NCKAP1: variants seen among roughly 807,000 people sequenced by gnomAD.
NCKAP1 encodes nck-associated protein 1.
A neutral mutation model predicts 151.2 loss-of-function variants in NCKAP1; 21 were observed. The observed-to-expected ratio is 0.14, with a 90% CI of 0.10 to 0.20. The LOEUF (loss-of-function observed/expected upper bound fraction) is 0.20. Ranked by LOEUF, NCKAP1 falls within the 10% of genes least tolerant of loss-of-function variation. The pLI, the probability that NCKAP1 is intolerant of heterozygous loss-of-function variation, is 1.00. For missense variants in NCKAP1, 933 were observed against 1,352.1 expected (o/e 0.69, Z 4.86); for synonymous variants, 484 against 451.8 (o/e 1.07, Z -0.90).
At chr2:182,944,968 C>T (rs991989864) in intron 23 of NCKAP1, among the ~76,000 whole-genome samples, 4 of 152,098 alleles carry the variant, frequency 2.6e-5, no homozygotes, top group Admixed American at 2.6e-4. Context: ...GGCGTGGTGG[C>T]TCACACCTGT....
chr2:182,971,909 C>A, intron 15 of NCKAP1, among the ~76,000 whole-genome samples: 1 of 151,944 alleles, frequency 6.6e-6, no homozygotes, highest in East Asian at 1.9e-4. Context: ...CAAAAAAAAT[C>A]AAATCAAAAT....
chr2:182,971,221 C>CG (rs1472875931), intron 15 of NCKAP1, among the ~76,000 whole-genome samples: 2 of 150,736 alleles, frequency 1.3e-5, no homozygotes. Flanking sequence ...GGTGAAACCC[C>CG]GTCTCTACTA....
In NCKAP1 at chr2:182,910,923, C is replaced by T. The variant is rs1696376275; in HGVS notation, c.*14779G>A. 1 of 143,420 alleles carries T rather than the reference C, an allele frequency of 7.0e-6. No individual in the cohort carries two copies. Among genetic ancestry groups the T allele is most frequent in the South Asian group, 2.3e-4 (1 of 4,402 alleles). 8.9% of individuals were successfully genotyped at this position (143,420 alleles called of 1,614,324 possible). On this transcript the variant is annotated 3_prime_UTR_variant, in exon 31 of 31. Coordinates refer to ENST00000361354, the MANE Select transcript of NCKAP1 (RefSeq NM_013436.5). ...ATGCTCTGATGGTCCAACATTATAACTTGGAAATAAAAATAAAATCCTAAG... is the reference window on the plus strand; with the variant it reads ...ATGCTCTGATGGTCCAACATTATAATTTGGAAATAAAAATAAAATCCTAAG...
chr2:182,956,808 G>T (rs768237560), intron 19 of NCKAP1: 2 of 453,396 alleles, frequency 4.4e-6, no homozygotes, highest in Non-Finnish European at 7.6e-6. Context: ...CCTTTAGGTA[G>T]TAATGAATAT....
intron 1 of NCKAP1, among the ~76,000 whole-genome samples, chr2:183,030,923 G>T (rs1575074964): frequency 6.6e-6 from 1 of 152,130 alleles, no homozygotes; most frequent in Non-Finnish European, 1.5e-5. Context: ...GTGTTATGAT[G>T]TATATTTTGG....
chr2:182,960,383 G>C (rs1217397133), intron 18 of NCKAP1, among the ~76,000 whole-genome samples: 4 of 152,246 alleles, frequency 2.6e-5, no homozygotes, highest in African/African-American at 9.6e-5. Flanking sequence ...CCAAAACAGA[G>C]ATATAGACCA....
In NCKAP1 at chr2:182,916,074, C is replaced by G. The variant is rs1559065001; in HGVS notation, c.*9628G>C. The G allele has an allele frequency of 1.3e-5, 2 of 151,388 alleles. No homozygotes were observed. The allele number at this position is 151,388 out of a possible 1,614,324, so 9.4% of individuals were successfully genotyped here. On this transcript the variant is annotated 3_prime_UTR_variant, in exon 31 of 31. Transcript: ENST00000361354. ...GGCAGTTTCCTCTCCCTCCCCGTCT[C>G]CCTGCTCCTGCTCCTCCCTCTCCCC...
At chr2:182,976,997 T>G in intron 14 of NCKAP1, 46 bp from the exon 15 acceptor site, 1 of 1,299,036 alleles carries the variant, frequency 7.7e-7, no homozygotes, top group Non-Finnish European at 1.1e-6. Context: ...AAATTAATGT[T>G]TTCACAATCT....
chr2:182,964,877 G>T, intron 16 of NCKAP1, 69 bp from the exon 17 acceptor site: 1 of 1,215,164 alleles, frequency 8.2e-7, no homozygotes, highest in Non-Finnish European at 1.1e-6. Context: ...GTACCTTACA[G>T]TTAATTTGAT....
At chr2:183,036,602 A>G (rs572915015) in intron 1 of NCKAP1, among the ~76,000 whole-genome samples, 22 of 152,308 alleles carry the variant, frequency 1.4e-4, no homozygotes, top group African/African-American at 5.1e-4. Context: ...CTCCTGCCAC[A>G]TAAAAGGTAA....
rs770504034 is a variant in NCKAP1 at position 182,967,315 on chromosome 2, C to G, written c.1529G>C (p.Arg510Thr). 24 of 1,611,690 alleles carry G rather than the reference C, an allele frequency of 1.5e-5. No individual in the cohort carries two copies. The highest frequency in any genetic ancestry group is 2.0e-5 in the Non-Finnish European group (24 of 1,178,880). ...TGTATTCATCATCTTTCCAAGTTCT[C>G]TGTGATCTGCAAGGCCAAGTGAAGC... is the stretch of plus-strand genomic sequence containing the variant. The part of the protein sequence containing the change: ...SKASLGLADH[R>T]ELGKMMNTII... The change falls in exon 16 of 31, where the codon AGA (arginine) becomes ACA (threonine). Residue 510 changes from arginine (R) to threonine (T), a missense_variant. Arg to Thr is a moderately conservative substitution (Grantham distance 71, BLOSUM62 -1). Around this residue, in one of 2 missense-constraint regions of NCKAP1, gnomAD observed 607 missense variants for 795.0 expected, o/e 0.76. Coordinates refer to ENST00000361354, the MANE Select transcript of NCKAP1 (RefSeq NM_013436.5).
chr2:182,983,668 T>G (rs1697986660), intron 10 of NCKAP1, among the ~76,000 whole-genome samples: 1 of 152,200 alleles, frequency 6.6e-6, no homozygotes, highest in Non-Finnish European at 1.5e-5. Context: ...TCCCAACATC[T>G]AGCTATTTAT....
intron 18 of NCKAP1, among the ~76,000 whole-genome samples, chr2:182,959,135 T>C (rs1697386955): frequency 6.6e-6 from 1 of 152,192 alleles, no homozygotes; most frequent in African/African-American, 2.4e-5. Flanking sequence ...TCATTATACC[T>C]AGATAGTAAC....
chr2:182,997,217 G>C (rs1559099289), intron 6 of NCKAP1, among the ~76,000 whole-genome samples: 1 of 152,206 alleles, frequency 6.6e-6, no homozygotes, highest in East Asian at 1.9e-4. Context: ...TTGTTTCACT[G>C]ATCCTTTGTA....
At chr2:182,999,926 C>T (rs965341640) in intron 6 of NCKAP1, among the ~76,000 whole-genome samples, 2 of 152,116 alleles carry the variant, frequency 1.3e-5, no homozygotes, top group Admixed American at 1.3e-4. Context: ...ACTGATTGTA[C>T]TCACTTATAA....
intron 15 of NCKAP1, among the ~76,000 whole-genome samples, chr2:182,973,223 T>C (rs1697735165): frequency 6.6e-6 from 1 of 151,992 alleles, no homozygotes; most frequent in South Asian, 2.1e-4. Context: ...TTAAATAACA[T>C]TGTGAAAACA....
chr2:182,962,037 G>T, intron 18 of NCKAP1, 122 bp downstream of exon 18: 2 of 1,006,434 alleles, frequency 2.0e-6, no homozygotes, highest in Non-Finnish European at 2.9e-6. Context: ...CACAGCAGAG[G>T]TTTGAGGTTT....
At chr2:182,953,372 T>C in intron 20 of NCKAP1, 41 bp from the exon 21 acceptor site, 1 of 1,422,942 alleles carries the variant, frequency 7.0e-7, no homozygotes, top group Non-Finnish European at 9.7e-7. Flanking sequence ...GCCTCTGACT[T>C]TTCCATTCAT....
In NCKAP1 at chr2:182,994,863, C is replaced by G. The variant is rs1485321486; in HGVS notation, c.766G>C (p.Asp256His). 11 of 1,606,734 alleles carry G rather than the reference C, an allele frequency of 6.8e-6. No homozygotes were observed. Among genetic ancestry groups the G allele is most frequent in the Non-Finnish European group, 9.4e-6 (11 of 1,173,576 alleles). ...CAGATAATCCACTTTTCCATTGCAT[C>G]CAAAGAGAGGTATTCACAAGGCATC... ...DTMPCEYLSL[D>H]AMEKWIIFGF... The change falls in exon 8 of 31, where the codon GAT becomes CAT. Residue 256 changes from aspartate to histidine, a missense_variant. Transcript: ENST00000361354.
Sources: gnomAD v4.1 joint callset for allele counts (sites outside exome capture counted in the v4.1 genomes callset) on GRCh38, gnomAD v4.1.1 for gene constraint, gnomAD v4.1.1 regional missense constraint, MANE v1.5 for transcripts, NCBI Gene and HGNC (gene_info 2026-07-23, HGNC 2026-07-21) for gene names.